Variants in JAZF1 observed in about 807,000 individuals in gnomAD.
JAZF1 encodes juxtaposed with another zinc finger protein 1.
In JAZF1, 8 loss-of-function variants were observed where a neutral mutation model predicts 26.4. That is an observed-to-expected ratio of 0.30 (90% CI 0.18 to 0.55). JAZF1 has a LOEUF of 0.55. JAZF1 is among the 20% of genes least tolerant of loss of function. JAZF1 has a pLI of 0.94. For missense variants in JAZF1, 199 were observed against 322.0 expected (o/e 0.62, Z 2.92); for synonymous variants, 126 against 122.3 (o/e 1.03, Z -0.20).
At chr7:28,124,949 T>C (rs1452784273) in intron 1 of JAZF1, among the ~76,000 whole-genome samples, 1 of 152,184 alleles carries the variant, frequency 6.6e-6, no homozygotes, top group Non-Finnish European at 1.5e-5. Flanking sequence ...GTCTATTATG[T>C]AAAATAAAGT....
chr7:28,105,257 G>A (rs988017527), intron 1 of JAZF1, among the ~76,000 whole-genome samples: 1 of 152,198 alleles, frequency 6.6e-6, no homozygotes, highest in Non-Finnish European at 1.5e-5. Context: ...ATCTTGGTTA[G>A]AAATAGTTGT....
chr7:28,036,436 T>A (rs1783294502), intron 1 of JAZF1, among the ~76,000 whole-genome samples: 1 of 152,264 alleles, frequency 6.6e-6, no homozygotes, highest in African/African-American at 2.4e-5. Flanking sequence ...TCCTTGTTTA[T>A]TCTTCATCTG....
chr7:27,949,348 G>T (rs946917899), intron 2 of JAZF1, among the ~76,000 whole-genome samples: 1 of 152,154 alleles, frequency 6.6e-6, no homozygotes, highest in Non-Finnish European at 1.5e-5. Flanking sequence ...TCATTCCCCA[G>T]TGTTTTCTTT....
chr7:28,071,712 T>C (rs1359862027), intron 1 of JAZF1: 2 of 454,572 alleles, frequency 4.4e-6, no homozygotes, highest in African/African-American at 2.0e-5. Context: ...GACAAAAATA[T>C]GCTTGGTTTA....
At chr7:27,992,115 C>T (rs1562552031) in intron 1 of JAZF1, 134 bp from the exon 2 acceptor site, 3 of 710,436 alleles carry the variant, frequency 4.2e-6, no homozygotes, top group South Asian at 1.5e-5. Flanking sequence ...AAAACTGAGT[C>T]GGCGAAGCAC....
chr7:28,054,966 C>G (rs947430249), intron 1 of JAZF1, among the ~76,000 whole-genome samples: 2 of 152,036 alleles, frequency 1.3e-5, no homozygotes, highest in Non-Finnish European at 2.9e-5. Flanking sequence ...TAGGTGCTGG[C>G]AATGTGCTCT....
At chr7:27,907,608 C>T (rs1284767429) in intron 2 of JAZF1, among the ~76,000 whole-genome samples, 1 of 152,146 alleles carries the variant, frequency 6.6e-6, no homozygotes, top group South Asian at 2.1e-4. Flanking sequence ...CAACATCCAG[C>T]TAAGAACAAG....
At chr7:27,978,449 T>C (rs1285645435) in intron 2 of JAZF1, among the ~76,000 whole-genome samples, 1 of 152,192 alleles carries the variant, frequency 6.6e-6, no homozygotes, top group African/African-American at 2.4e-5. Context: ...GAGAATTTGA[T>C]TGAGTTAGAC....
chr7:27,960,454 A>G (rs1431688261), intron 2 of JAZF1, among the ~76,000 whole-genome samples: 2 of 152,268 alleles, frequency 1.3e-5, no homozygotes, highest in Non-Finnish European at 2.9e-5. Flanking sequence ...AAGAGAAGGC[A>G]TTGTGTAAAA....
chr7:28,148,823 C>CA (rs918547108), intron 1 of JAZF1, among the ~76,000 whole-genome samples: 12 of 152,188 alleles, frequency 7.9e-5, no homozygotes, highest in Non-Finnish European at 5.9e-5. Context: ...AACAAAGGAA[C>CA]GAGGCAGGAT....
intron 2 of JAZF1, among the ~76,000 whole-genome samples, chr7:27,936,084 G>A (rs1032340168): frequency 3.9e-5 from 6 of 152,278 alleles, no homozygotes; most frequent in Middle Eastern, 3.4e-3. Flanking sequence ...AAGTAGAAAC[G>A]CTATTGTTAA....
chr7:27,995,436 T>G (rs1307178957), intron 1 of JAZF1, among the ~76,000 whole-genome samples: 1 of 152,026 alleles, frequency 6.6e-6, no homozygotes, highest in Non-Finnish European at 1.5e-5. Flanking sequence ...AACTCAAAAC[T>G]TCAACTTTTT....
At chr7:27,996,716 A>T (rs374301445) in intron 1 of JAZF1, among the ~76,000 whole-genome samples, 51 of 152,322 alleles carry the variant, frequency 3.3e-4, no homozygotes, top group African/African-American at 1.1e-3. Context: ...TCCTAGTGCT[A>T]GCACTGCAAT....
rs750475255 is a variant in JAZF1 at position 27,832,137 on chromosome 7, G to T, written c.*663C>A. The T allele has an allele frequency of 5.6e-5, 12 of 213,208 alleles. No homozygotes were observed. The highest frequency in any genetic ancestry group is 1.1e-4 in the African/African-American group (5 of 44,318). 13.2% of individuals were successfully genotyped at this position (213,208 alleles called of 1,614,324 possible). ...AAAATGCCATTTATAACACTAAAATGACTAGTAAGTCAGATGGCAAGATTT... is the reference window on the plus strand; with the variant it reads ...AAAATGCCATTTATAACACTAAAATTACTAGTAAGTCAGATGGCAAGATTT... On this transcript the variant is annotated 3_prime_UTR_variant, in exon 5 of 5. Coordinates refer to ENST00000283928, the MANE Select transcript of JAZF1 (RefSeq NM_175061.4).
chr7:28,094,904 G>A (rs1163020738), intron 1 of JAZF1, among the ~76,000 whole-genome samples: 2 of 152,078 alleles, frequency 1.3e-5, no homozygotes, highest in African/African-American at 4.8e-5. Context: ...CCCTTAGTAA[G>A]ACGACAAGGA....
chr7:27,979,404 T>C (rs866344703), intron 2 of JAZF1, among the ~76,000 whole-genome samples: 1 of 95,314 alleles, frequency 1.0e-5, no homozygotes, highest in Admixed American at 1.1e-4. Context: ...TTTTTTTTTT[T>C]TAGAAACAGA....
chr7:27,857,158 G>A (rs951561606), intron 3 of JAZF1, among the ~76,000 whole-genome samples: 3 of 152,224 alleles, frequency 2.0e-5, no homozygotes, highest in African/African-American at 7.2e-5. Flanking sequence ...GGGGCGGGGG[G>A]AGGCTCAGGC....
intron 2 of JAZF1, among the ~76,000 whole-genome samples, chr7:27,962,787 T>C (rs1157943594): frequency 1.3e-5 from 2 of 152,226 alleles, no homozygotes; most frequent in Non-Finnish European, 2.9e-5. Context: ...AGCAGTTGTT[T>C]TAAAAACAGT....
intron 2 of JAZF1, among the ~76,000 whole-genome samples, chr7:27,960,692 G>T (rs1248087086): frequency 6.6e-6 from 1 of 152,198 alleles, no homozygotes; most frequent in Non-Finnish European, 1.5e-5. Context: ...CTGGCAAAAA[G>T]TAAAGCCACA....
Sources: gnomAD v4.1 joint callset for allele counts (sites outside exome capture counted in the v4.1 genomes callset) on GRCh38, gnomAD v4.1.1 for gene constraint, MANE v1.5 for transcripts, NCBI Gene and HGNC (gene_info 2026-07-23, HGNC 2026-07-21) for gene names.